Variants in PDE9A observed in about 807,000 individuals in gnomAD.
PDE9A encodes phosphodiesterase 9A, also known as high affinity cGMP-specific 3',5'-cyclic phosphodiesterase 9A.
Under a neutral mutation model 87.4 loss-of-function variants are expected in PDE9A, and 60 were observed. The ratio of observed to expected loss-of-function variants is 0.69; its 90% confidence interval spans 0.56 to 0.85. The LOEUF is 0.85. Among genes scored for constraint, PDE9A ranks in the 40% least tolerant of loss-of-function variants. The probability of loss-of-function intolerance (pLI) is 0.00; values close to 1 mark genes in which losing one functional copy is unlikely to be tolerated. For synonymous variants in PDE9A, 272 were observed against 279.4 expected, an observed-to-expected ratio of 0.97 and a Z score of 0.27; for missense variants, 665 against 779.0, an observed-to-expected ratio of 0.85 and a Z score of 1.74.
chr21:42,732,257 C>T lies in PDE9A; in HGVS notation c.497+133C>T, dbSNP rs577358937. The T allele has an allele frequency of 1.1e-5, 9 of 807,594 alleles. No individual in the cohort carries two copies. In the South Asian group the frequency reaches 1.2e-4, roughly 11 times the overall value. The allele number at this position is 807,594 out of a possible 1,614,324, so 50.0% of individuals were successfully genotyped here. On this transcript the variant is annotated intron_variant, in intron 6 of 19. Coordinates refer to ENST00000291539, the MANE Select transcript of PDE9A (RefSeq NM_002606.3). Reference sequence around the variant, plus strand: ...GTCTCACCTGCCTGGAGGAGCTGCCCGCACGGTGGAAGCCTTCTGTGGCTT... The same window carrying T: ...GTCTCACCTGCCTGGAGGAGCTGCCTGCACGGTGGAAGCCTTCTGTGGCTT...
chr21:42,768,810 C>T, intron 16 of PDE9A: 1 of 985,466 alleles, frequency 1.0e-6, no homozygotes, highest in Non-Finnish European at 1.2e-6. Flanking sequence ...TCACCTCTGC[C>T]TATCTCTCAG....
At position 42,661,328 on chromosome 21, in the gene PDE9A, CT is replaced by C. The variant is rs538086640; in HGVS notation, c.69+7459del. ...ATAGGCGTGAGCCACCACGCCCAGC[CT>C]TTTTTTTTTTTTTAATTTTAAATTG... is the stretch of plus-strand genomic sequence containing the variant. On this transcript the variant is annotated intron_variant, in intron 1 of 19. Coordinates refer to ENST00000291539, the MANE Select transcript of PDE9A (RefSeq NM_002606.3). Among the ~76,000 whole-genome samples the C allele has an allele frequency of 7.2e-3, 1,024 of 141,912 alleles. 3 individuals carry two copies. Among genetic ancestry groups the C allele is most frequent in the Middle Eastern group, 0.011 (3 of 274 alleles). The allele number at this position is 141,912 out of a possible 152,430, so 93.1% of individuals were successfully genotyped here.
intron 4 of PDE9A, among the ~76,000 whole-genome samples, chr21:42,710,905 T>C (rs1434686970): frequency 1.3e-5 from 2 of 152,190 alleles, no homozygotes; most frequent in Non-Finnish European, 2.9e-5. Context: ...GGAGAATCGC[T>C]TGAACCCAGG....
chr21:42,714,582 T>C (rs1461668288), intron 4 of PDE9A, among the ~76,000 whole-genome samples: 1 of 148,256 alleles, frequency 6.7e-6, no homozygotes, highest in African/African-American at 2.5e-5. Flanking sequence ...TACCAGTCTT[T>C]GTTGATATGG....
In PDE9A at chr21:42,732,121, C is replaced by T. The variant is rs1422652153; in HGVS notation, c.494C>T (p.Ser165Leu). 1 of 1,613,836 alleles carries T rather than the reference C, an allele frequency of 6.2e-7. No homozygotes were observed. Among genetic ancestry groups the T allele is most frequent in the Non-Finnish European group, 8.5e-7 (1 of 1,179,736 alleles). Reference protein sequence around the residue: ...SVLAQVAEQFSRAFKINELKA... With the variant: ...SVLAQVAEQFLRAFKINELKA... The stretch of plus-strand genomic sequence containing the variant: ...CTGGCGCAGGTTGCAGAGCAGTTCT[C>T]AAGGTACAGAGTCTTCTAAACTTAC... The change falls in exon 6 of 20, where the codon TCA becomes TTA. Residue 165 changes from serine to leucine, a missense_variant. Transcript: ENST00000291539.
intron 8 of PDE9A, among the ~76,000 whole-genome samples, chr21:42,748,885 C>G (rs1569242008): frequency 6.6e-6 from 1 of 152,198 alleles, no homozygotes; most frequent in Non-Finnish European, 1.5e-5. Context: ...TTGGCACTTG[C>G]TTTCAGTACA....
At position 42,704,173 on chromosome 21, in the gene PDE9A, G is replaced by C. The variant is rs867591822; in HGVS notation, c.262+5162G>C. On this transcript the variant is annotated intron_variant, in intron 4 of 19. Transcript: ENST00000291539. The surrounding 1 kb of genome is among the most constrained non-coding windows in gnomAD (Gnocchi z 5.3). ...GAGAGGATGAGCGGCCACACGGAAG[G>C]CCAGGCTGGGTGTCCCTCCGGGCCA... 3.9e-5 allele frequency among the ~76,000 whole-genome samples: 6 copies of C among 152,312 alleles called. No individual in the cohort carries two copies. In the East Asian group the frequency reaches 1.2e-3, roughly 30 times the overall value.
intron 7 of PDE9A, among the ~76,000 whole-genome samples, chr21:42,740,721 TAG>T (rs1380615762): frequency 1.4e-5 from 2 of 139,750 alleles, no homozygotes; most frequent in African/African-American, 5.4e-5. Flanking sequence ...GATAGATAGA[TAG>T]ATAGATAGAT....
chr21:42,771,026 G>T (rs371668352), intron 18 of PDE9A, among the ~76,000 whole-genome samples: 1 of 152,244 alleles, frequency 6.6e-6, no homozygotes. Flanking sequence ...CAGTACCTTC[G>T]AGGGAGTTTA....
chr21:42,669,783 G>A (rs1454144505), intron 1 of PDE9A, among the ~76,000 whole-genome samples: 1 of 152,288 alleles, frequency 6.6e-6, no homozygotes, highest in African/African-American at 2.4e-5. Flanking sequence ...TCCTGGTGTG[G>A]TCTCCATGCT....
chr21:42,773,190 A>C (rs2057177440), intron 19 of PDE9A, among the ~76,000 whole-genome samples: 1 of 139,722 alleles, frequency 7.2e-6, no homozygotes, highest in Non-Finnish European at 1.5e-5. Flanking sequence ...TGAACCTGGG[A>C]GGTGGAGGTT....
intron 1 of PDE9A, among the ~76,000 whole-genome samples, chr21:42,658,523 A>G (rs1027457520): frequency 2.0e-5 from 3 of 152,104 alleles, no homozygotes; most frequent in Non-Finnish European, 4.4e-5. Flanking sequence ...TGCCCACGAC[A>G]TGGTCAAATG....
At chr21:42,662,794 G>GCA (rs1169486650) in intron 1 of PDE9A, among the ~76,000 whole-genome samples, 1 of 94,948 alleles carries the variant, frequency 1.1e-5, no homozygotes, top group South Asian at 3.6e-4. Context: ...CACACACCAA[G>GCA]CACACACACA....
At position 42,710,591 on chromosome 21, in the gene PDE9A, T is replaced by C. The variant is rs191099045; in HGVS notation, c.262+11580T>C. On this transcript the variant is annotated intron_variant, in intron 4 of 19. Transcript: ENST00000291539. The stretch of plus-strand genomic sequence containing the variant: ...AGGTGTAAGAGCAATCCTATCTTCT[T>C]ATAGTTTTAATTTGCATTTCCAAGT... 1.6e-3 allele frequency among the ~76,000 whole-genome samples: 239 copies of C among 152,292 alleles called. 1 individual carries two copies. The highest frequency in any genetic ancestry group is 2.4e-3 in the Non-Finnish European group (165 of 68,014).
At chr21:42,686,385 C>A in intron 2 of PDE9A, 123 bp downstream of exon 2, 1 of 734,236 alleles carries the variant, frequency 1.4e-6, no homozygotes, top group Admixed American at 2.3e-5. Flanking sequence ...ACAAGGGGCT[C>A]TTCGAAATCA....
intron 9 of PDE9A, among the ~76,000 whole-genome samples, chr21:42,751,839 T>G (rs565715509): frequency 2.7e-4 from 40 of 148,046 alleles, no homozygotes; most frequent in African/African-American, 7.0e-4. Context: ...CTCTGCCTCC[T>G]GGGTTCAAGC....
chr21:42,761,401 G>A (rs192627615), intron 13 of PDE9A, among the ~76,000 whole-genome samples: 86 of 152,354 alleles, frequency 5.6e-4, no homozygotes, highest in African/African-American at 1.9e-3. Context: ...GGTGTCCCTC[G>A]TGGGGCCAGG....
chr21:42,750,528 C>CATTAGAAAA (rs372736758), intron 8 of PDE9A, among the ~76,000 whole-genome samples: 1 of 150,616 alleles, frequency 6.6e-6, no homozygotes, highest in Non-Finnish European at 1.5e-5. Flanking sequence ...CTTTTGAAAA[C>CATTAGAAAA]AGCTTCTAAA....
At chr21:42,667,294 T>C (rs1394601607) in intron 1 of PDE9A, among the ~76,000 whole-genome samples, 1 of 152,036 alleles carries the variant, frequency 6.6e-6, no homozygotes, top group East Asian at 1.9e-4. Context: ...AGAGACAATA[T>C]ACTGATTTTC....
Sources: gnomAD v4.1 joint callset for allele counts (sites outside exome capture counted in the v4.1 genomes callset) on GRCh38, gnomAD v4.1.1 for gene constraint, Gnocchi (gnomAD v3.1) non-coding constraint, MANE v1.5 for transcripts, NCBI Gene and HGNC (gene_info 2026-07-23, HGNC 2026-07-21) for gene names.